Variants in LRBA observed in about 807,000 individuals in gnomAD.
LRBA encodes lipopolysaccharide-responsive and beige-like anchor protein.
In LRBA, 176 loss-of-function variants were observed where a neutral mutation model predicts 330.0. The ratio of observed to expected loss-of-function variants is 0.53; its 90% CI spans 0.47 to 0.60. The LOEUF is 0.60. Ranked by LOEUF, LRBA falls within the 20% of genes least tolerant of loss-of-function variation. The probability of loss-of-function intolerance (pLI) is 0.00; values close to 1 mark genes in which losing one functional copy is unlikely to be tolerated. For missense variants in LRBA, 3,259 were observed against 3,444.8 expected (o/e 0.95, Z 1.35); for synonymous variants, 1,230 against 1,193.0 (o/e 1.03, Z -0.64).
chr4:150,377,381 T>C (rs1335426719), intron 47 of LRBA, among the ~76,000 whole-genome samples: 2 of 152,220 alleles, frequency 1.3e-5, no homozygotes, highest in Non-Finnish European at 2.9e-5. Flanking sequence ...CATGAAAACC[T>C]GGATCTGTGA....
At chr4:150,355,206 T>C (rs533894858) in intron 47 of LRBA, among the ~76,000 whole-genome samples, 17 of 152,204 alleles carry the variant, frequency 1.1e-4, no homozygotes, top group African/African-American at 3.8e-4. Context: ...TACACATGCA[T>C]TAGTGATACA....
At chr4:150,995,952 G>A (rs886139903) in intron 2 of LRBA, among the ~76,000 whole-genome samples, 1 of 151,964 alleles carries the variant, frequency 6.6e-6, no homozygotes, top group Non-Finnish European at 1.5e-5. Flanking sequence ...ATGAAGTAGG[G>A]AGAGTCTTCA....
chr4:150,983,174 T>C (rs1418135674), intron 2 of LRBA, among the ~76,000 whole-genome samples: 1 of 152,190 alleles, frequency 6.6e-6, no homozygotes, highest in East Asian at 1.9e-4. Context: ...AGTGAAGTTT[T>C]TAGCCAGGTG....
At chr4:150,954,410 G>A (rs571238827) in intron 2 of LRBA, among the ~76,000 whole-genome samples, 20 of 152,242 alleles carry the variant, frequency 1.3e-4, no homozygotes, top group South Asian at 4.1e-4. Flanking sequence ...ACTCCATTTT[G>A]TTCTGTACTA....
chr4:150,384,313 C>CTG (rs1295974301), intron 47 of LRBA, among the ~76,000 whole-genome samples: 1 of 152,158 alleles, frequency 6.6e-6, no homozygotes, highest in Non-Finnish European at 1.5e-5. Context: ...GCTGGGATTA[C>CTG]AGGCCTGAGT....
chr4:151,010,453 T>C (rs1744691384), intron 2 of LRBA, among the ~76,000 whole-genome samples: 1 of 152,192 alleles, frequency 6.6e-6, no homozygotes, highest in South Asian at 2.1e-4. Context: ...TTGACTACAT[T>C]GGTGCACTGT....
intron 37 of LRBA, among the ~76,000 whole-genome samples, chr4:150,639,853 ATATATATATATATATATATT>A (rs1778484205): frequency 1.3e-5 from 1 of 76,378 alleles, no homozygotes; most frequent in East Asian, 4.9e-4. Context: ...ATATATATAT[ATATATATATATATATATATT>A]TAGATGGAGT....
chr4:150,382,622 CAA>C (rs112630500), intron 47 of LRBA, among the ~76,000 whole-genome samples: 29 of 111,394 alleles, frequency 2.6e-4, no homozygotes, highest in Admixed American at 5.6e-4. Flanking sequence ...GACTCTGTTT[CAA>C]AAAAAAAAAA....
In LRBA at chr4:150,588,195, G is replaced by T; in HGVS notation, c.6194-11C>A. On this transcript the variant is annotated splice_polypyrimidine_tract_variant and intron_variant, in intron 39 of 56. Transcript: ENST00000651943. ...TCAGGCTAACAGGACCTGCCAAAAG[G>T]AAAAGACAAGCCACACAAGTTGGAA... 1 of 1,563,484 alleles carries T rather than the reference G, an allele frequency of 6.4e-7. No homozygotes were observed. The highest frequency in any genetic ancestry group is 1.2e-5 in the South Asian group (1 of 81,068).
chr4:150,470,876 C>CACACACACACACACACACCA lies in LRBA; in HGVS notation c.6667+747_6667+748insTGGTGTGTGTGTGTGTGTGT, dbSNP rs1554034850. Among the ~76,000 whole-genome samples the CACACACACACACACACACCA allele has an allele frequency of 3.9e-3, 567 of 143,752 alleles. 3 individuals are homozygous for CACACACACACACACACACCA. Among genetic ancestry groups the CACACACACACACACACACCA allele is most frequent in the East Asian group, 0.019 (92 of 4,750 alleles). 94.3% of individuals were successfully genotyped at this position (143,752 alleles called of 152,430 possible). A position where few individuals can be genotyped will look rare whatever the true frequency, so the allele number is the denominator to read the frequency against. ...ACACACACACACACACACACACACA[C>CACACACACACACACACACCA]CACACACTAAATTACTTCCTAACTT... On this transcript the variant is annotated intron_variant, in intron 43 of 56. Transcript: ENST00000651943.
At chr4:150,995,580 G>T (rs1259501292) in intron 2 of LRBA, among the ~76,000 whole-genome samples, 1 of 151,914 alleles carries the variant, frequency 6.6e-6, no homozygotes, top group African/African-American at 2.4e-5. Context: ...CTTATTGATA[G>T]TCATACAATA....
intron 2 of LRBA, among the ~76,000 whole-genome samples, chr4:151,009,231 A>G (rs1744521174): frequency 6.6e-6 from 1 of 151,294 alleles, no homozygotes. Flanking sequence ...AGGTATTCTA[A>G]GTAATCTAGA....
chr4:150,501,285 T>C (rs1453180110), intron 40 of LRBA, among the ~76,000 whole-genome samples: 1 of 152,164 alleles, frequency 6.6e-6, no homozygotes, highest in Non-Finnish European at 1.5e-5. Flanking sequence ...AGAGACTGAC[T>C]GATGGATGGA....
chr4:150,973,718 C>G (rs1285919332), intron 2 of LRBA, among the ~76,000 whole-genome samples: 2 of 152,126 alleles, frequency 1.3e-5, no homozygotes, highest in Non-Finnish European at 2.9e-5. Flanking sequence ...CATGACCAGA[C>G]ATGGTGGCTT....
chr4:150,296,763 T>C (rs945419639), intron 53 of LRBA, among the ~76,000 whole-genome samples: 20 of 152,146 alleles, frequency 1.3e-4, no homozygotes, highest in African/African-American at 4.6e-4. Flanking sequence ...GTGAGTTACA[T>C]AGGCACAAAG....
intron 40 of LRBA, among the ~76,000 whole-genome samples, chr4:150,516,155 A>G (rs1762314418): frequency 6.6e-6 from 1 of 151,670 alleles, no homozygotes; most frequent in Non-Finnish European, 1.5e-5. Context: ...CAAATGGCAT[A>G]AAAACAAATA....
chr4:150,808,282 G>T (rs778696182), intron 32 of LRBA, 38 bp downstream of exon 32: 11 of 1,310,126 alleles, frequency 8.4e-6, no homozygotes, highest in Admixed American at 1.9e-5. Context: ...GTCATCAAAA[G>T]GTATAAATCA....
intron 31 of LRBA, among the ~76,000 whole-genome samples, chr4:150,809,986 T>C (rs1743480942): frequency 6.6e-6 from 1 of 152,208 alleles, no homozygotes; most frequent in African/African-American, 2.4e-5. Flanking sequence ...ACTTCAATTG[T>C]ATCTAGGAAT....
chr4:150,363,453 T>C (rs952390388), intron 47 of LRBA, among the ~76,000 whole-genome samples: 7 of 152,344 alleles, frequency 4.6e-5, no homozygotes, highest in African/African-American at 1.4e-4. Flanking sequence ...TACTCCTTCA[T>C]GGTATATATA....
Sources: gnomAD v4.1 joint callset for allele counts (sites outside exome capture counted in the v4.1 genomes callset) on GRCh38, gnomAD v4.1.1 for gene constraint, MANE v1.5 for transcripts, NCBI Gene and HGNC (gene_info 2026-07-23, HGNC 2026-07-21) for gene names.